The following CMTR1 variants were observed in gnomAD, a reference collection of about 807,000 sequenced individuals.
CMTR1 encodes the protein cap-specific mRNA (nucleoside-2'-O-)-methyltransferase 1.
A neutral mutation model predicts 107.0 loss-of-function variants in CMTR1; 39 were observed. That is an observed-to-expected ratio of 0.36 (90% confidence interval 0.28 to 0.48). The LOEUF (loss-of-function observed/expected upper bound fraction) is 0.48, where lower values mean the gene tolerates loss of function less well. Ranked by LOEUF, CMTR1 falls within the 20% of genes least tolerant of loss-of-function variation. CMTR1 has a pLI of 0.99. For synonymous variants in CMTR1, 366 were observed against 379.5 expected (o/e 0.96, Z 0.41); for missense variants, 672 against 1,064.9 (o/e 0.63, Z 5.14).
At chr6:37,428,708 T>G (rs1771326733), upstream of CMTR1, among the ~76,000 whole-genome samples, 1 of 152,232 alleles carries the variant, frequency 6.6e-6, no homozygotes, top group Non-Finnish European at 1.5e-5. Flanking sequence ...TCCACCTGCC[T>G]TGGCCTCCCA....
intron 10 of CMTR1, among the ~76,000 whole-genome samples, chr6:37,461,070 C>G (rs1258979265): frequency 6.6e-6 from 1 of 152,234 alleles, no homozygotes; most frequent in Non-Finnish European, 1.5e-5. Context: ...AGAGAGATTA[C>G]TGTGACTAGG....
chr6:37,472,560 C>T lies in CMTR1; in HGVS notation c.1689+73C>T. On this transcript the variant is annotated intron_variant, in intron 16 of 23. Transcript: ENST00000373451. The surrounding 1 kb of genome is among the most constrained non-coding windows in gnomAD (Gnocchi z 4.1). ...TAGATGTGGATGGTATCACTGAGGC[C>T]CCAGATGCATGGTCTCCAGAGGGCT... 7.0e-7 allele frequency: 1 copy of T among 1,433,814 alleles called. No homozygotes were observed. Among genetic ancestry groups the T allele is most frequent in the Non-Finnish European group, 9.8e-7 (1 of 1,017,236 alleles). 88.8% of individuals were successfully genotyped at this position (1,433,814 alleles called of 1,614,324 possible).
At chr6:37,449,585 A>C (rs1443767424) in intron 4 of CMTR1, among the ~76,000 whole-genome samples, 2 of 152,222 alleles carry the variant, frequency 1.3e-5, no homozygotes, top group Admixed American at 6.5e-5. Context: ...CTGGGATTAC[A>C]GGCGTGAGCC....
At chr6:37,443,941 G>T in intron 2 of CMTR1, 58 bp from the exon 3 acceptor site, 1 of 1,575,284 alleles carries the variant, frequency 6.3e-7, no homozygotes. Context: ...AAACTTGGAT[G>T]TCTGGAGGCT....
chr6:37,433,000 C>G (rs536499071), upstream of CMTR1, among the ~76,000 whole-genome samples: 1 of 152,362 alleles, frequency 6.6e-6, no homozygotes. Flanking sequence ...CTAGCACTTA[C>G]AATTTTTGTA....
intron 20 of CMTR1, 111 bp from the exon 21 acceptor site, chr6:37,477,481 G>A (rs1433484889): frequency 6.4e-6 from 6 of 939,804 alleles, no homozygotes; most frequent in Non-Finnish European, 8.7e-6. Context: ...GTTTCAGGGA[G>A]GGCCTGGGGC....
At chr6:37,478,214 C>T (rs1321225877) in intron 21 of CMTR1, among the ~76,000 whole-genome samples, 195 bp from the exon 22 acceptor site, 1 of 152,148 alleles carries the variant, frequency 6.6e-6, no homozygotes, top group Non-Finnish European at 1.5e-5. Context: ...ACTCCCCTGC[C>T]TCCACTGCCT....
upstream of CMTR1, among the ~76,000 whole-genome samples, chr6:37,432,421 G>A (rs1292911164): frequency 1.3e-5 from 2 of 152,202 alleles, no homozygotes; most frequent in African/African-American, 4.8e-5. Flanking sequence ...AGACAGTCAC[G>A]GGAGTTTGGA....
chr6:37,436,782 C>T (rs1446103390), intron 2 of CMTR1, among the ~76,000 whole-genome samples: 1 of 152,108 alleles, frequency 6.6e-6, no homozygotes, highest in Non-Finnish European at 1.5e-5. Context: ...AATTAGGTCA[C>T]ATTTACAGGC....
upstream of CMTR1, among the ~76,000 whole-genome samples, chr6:37,432,285 C>G (rs571285888): frequency 2.0e-5 from 3 of 152,318 alleles, no homozygotes; most frequent in Admixed American, 1.3e-4. Context: ...GGATTTTAAT[C>G]ATTGTTGGGT....
intron 12 of CMTR1, among the ~76,000 whole-genome samples, chr6:37,462,371 A>G (rs1318134118): frequency 1.3e-5 from 2 of 152,110 alleles, no homozygotes; most frequent in Non-Finnish European, 2.9e-5. Flanking sequence ...AATAGTAGGG[A>G]CACTTCAGGG....
intron 14 of CMTR1, among the ~76,000 whole-genome samples, 154 bp from the exon 15 acceptor site, chr6:37,471,693 T>C (rs138092756): frequency 9.1e-4 from 139 of 152,280 alleles, no homozygotes; most frequent in African/African-American, 3.2e-3. Context: ...TTGCATGTGT[T>C]GTAATCACGC....
intron 4 of CMTR1, among the ~76,000 whole-genome samples, 196 bp downstream of exon 4, chr6:37,446,645 T>C (rs1771803504): frequency 6.6e-6 from 1 of 152,228 alleles, no homozygotes; most frequent in Admixed American, 6.5e-5. Context: ...GATGTGGATT[T>C]CCTGTTGCAT....
chr6:37,479,032 C>A, intron 22 of CMTR1, 115 bp from the exon 23 acceptor site: 2 of 696,028 alleles, frequency 2.9e-6, no homozygotes, highest in Middle Eastern at 3.5e-4. Flanking sequence ...CTATTCCCTG[C>A]TTGCTTTTGG....
At chr6:37,452,185 A>G (rs1761190530) in intron 6 of CMTR1, among the ~76,000 whole-genome samples, 1 of 152,192 alleles carries the variant, frequency 6.6e-6, no homozygotes, top group Admixed American at 6.5e-5. Context: ...TTAGCATCAG[A>G]TAGACCAGGA....
At chr6:37,468,276 C>A (rs1031226027) in intron 13 of CMTR1, among the ~76,000 whole-genome samples, 10 of 152,108 alleles carry the variant, frequency 6.6e-5, no homozygotes, top group African/African-American at 2.4e-4. Context: ...AAGAACCTTA[C>A]AACACGATAC....
intron 5 of CMTR1, 93 bp from the exon 6 acceptor site, chr6:37,451,713 T>G: frequency 1.1e-6 from 1 of 887,354 alleles, no homozygotes. Context: ...AAGTCCCTTC[T>G]TGCTCTACTT....
chr6:37,461,587 C>G lies in CMTR1; in HGVS notation c.1134C>G (p.Ile378Met), dbSNP rs1362281293. 1.2e-6 allele frequency: 2 copies of G among 1,611,304 alleles called. No homozygotes were observed. Among genetic ancestry groups the G allele is most frequent in the Admixed American group, 3.4e-5 (2 of 59,652 alleles). Residue 378 changes from isoleucine to methionine, a missense_variant, in exon 11 of 24, where the codon ATC (isoleucine) becomes ATG (methionine). By Grantham distance (10) the Ile-to-Met change is conservative. This residue lies in a region of CMTR1 where 583 missense variants were observed against 968.4 expected (regional missense o/e 0.60). Transcript: ENST00000373451. ...AGGGGCAGGAGAACCTGCAGGAGATCCTCAGCAAGCAGCTGCTTCTGTGTC... is the reference window on the plus strand; with the variant it reads ...AGGGGCAGGAGAACCTGCAGGAGATGCTCAGCAAGCAGCTGCTTCTGTGTC... ...SVEGQENLQE[I>M]LSKQLLLCQF... is the part of the protein sequence containing the mutation.
chr6:37,481,450 C>G lies in CMTR1; in HGVS notation c.*1305C>G. The G allele has an allele frequency of 8.6e-7, 1 of 1,162,180 alleles. No individual in the cohort carries two copies. Among genetic ancestry groups the G allele is most frequent in the Non-Finnish European group, 1.1e-6 (1 of 929,222 alleles). The allele number at this position is 1,162,180 out of a possible 1,614,324, so 72.0% of individuals were successfully genotyped here. On this transcript the variant is annotated 3_prime_UTR_variant, in exon 24 of 24. Coordinates refer to ENST00000373451, the MANE Select transcript of CMTR1 (RefSeq NM_015050.3). The stretch of plus-strand genomic sequence containing the variant: ...TGAGATGCTGTATTTCCACCCAATT[C>G]TGGGTATATCAGTGTGTCTTGCAGA...
Sources: allele counts gnomAD v4.1 joint callset (sites outside exome capture counted in the v4.1 genomes callset), GRCh38; gene constraint gnomAD v4.1.1; regional missense constraint gnomAD v4.1.1; non-coding constraint Gnocchi (gnomAD v3.1); transcripts MANE v1.5; gene names NCBI Gene and HGNC (gene_info 2026-07-23, HGNC 2026-07-21).